Variants in ARID4B observed in about 807,000 individuals in gnomAD.
ARID4B encodes the protein AT-rich interaction domain 4B, also known as AT-rich interactive domain-containing protein 4B.
Under a neutral mutation model 147.5 loss-of-function variants are expected in ARID4B, and 26 were observed. The ratio of observed to expected loss-of-function variants is 0.18; its 90% CI spans 0.13 to 0.24. The LOEUF is 0.24. Ranked by LOEUF, ARID4B falls within the 10% of genes least tolerant of loss-of-function variation. The pLI is 1.00. For missense variants in ARID4B, 1,179 were observed against 1,511.5 expected (o/e 0.78, Z 3.65); for synonymous variants, 512 against 507.9 (o/e 1.01, Z -0.11).
rs1309667366 is a variant in ARID4B at position 235,167,105 on chromosome 1, A to G, written c.*1420T>C. 4.2e-5 allele frequency: 8 copies of G among 190,628 alleles called. No individual in the cohort carries two copies. Among genetic ancestry groups the G allele is most frequent in the Non-Finnish European group, 8.8e-5 (8 of 90,634 alleles). The allele number at this position is 190,628 out of a possible 1,614,324, so 11.8% of individuals were successfully genotyped here. A position where few individuals can be genotyped will look rare whatever the true frequency, so the allele number is the denominator to read the frequency against. On this transcript the variant is annotated 3_prime_UTR_variant, in exon 24 of 24. Coordinates refer to ENST00000264183, the MANE Select transcript of ARID4B (RefSeq NM_016374.6). Reference sequence around the variant, plus strand: ...GAAACCATTTTCAACAAAATTAGTTACTGTAAGCACACACTACAAGACTGA... The same window carrying G: ...GAAACCATTTTCAACAAAATTAGTTGCTGTAAGCACACACTACAAGACTGA...
At chr1:235,217,375 G>A (rs1667160680) in intron 16 of ARID4B, among the ~76,000 whole-genome samples, 1 of 148,252 alleles carries the variant, frequency 6.7e-6, no homozygotes, top group East Asian at 1.9e-4. Flanking sequence ...CATACATACA[G>A]GTTAAAAAAA....
At chr1:235,326,706 C>T (rs1298582687) in intron 2 of ARID4B, 3 of 599,736 alleles carry the variant, frequency 5.0e-6, no homozygotes, top group Admixed American at 5.9e-5. Flanking sequence ...GGAGAATCAT[C>T]TTCAGTTGAG....
At position 235,181,882 on chromosome 1, in the gene ARID4B, T is replaced by C; in HGVS notation, c.3037A>G (p.Ser1013Gly). 6.2e-7 allele frequency: 1 copy of C among 1,614,208 alleles called. No individual in the cohort carries two copies. Among genetic ancestry groups the C allele is most frequent in the Non-Finnish European group, 8.5e-7 (1 of 1,180,040 alleles). ...EVNDRKAEFP[S>G]SGSNSVLNTP... The stretch of plus-strand genomic sequence containing the variant: ...TTTAGCACTGAATTACTGCCACTAC[T>C]TGGAAATTCTGCTTTTCTGTCATTG... The change falls in exon 20 of 24, where the codon AGT (serine) becomes GGT (glycine). Residue 1013 changes from serine (S) to glycine (G), a missense_variant. Coordinates refer to ENST00000264183, the MANE Select transcript of ARID4B (RefSeq NM_016374.6).
chr1:235,208,351 T>C (rs1254822917), intron 17 of ARID4B, among the ~76,000 whole-genome samples: 2 of 152,264 alleles, frequency 1.3e-5, no homozygotes, highest in African/African-American at 4.8e-5. Context: ...ATGCTAAGAT[T>C]CTCTATAAAA....
At chr1:235,285,693 C>T (rs150861546) in intron 2 of ARID4B, among the ~76,000 whole-genome samples, 6 of 152,284 alleles carry the variant, frequency 3.9e-5, no homozygotes, top group Non-Finnish European at 8.8e-5. Context: ...CCAAGGAAAT[C>T]CAAAGGAATC....
At chr1:235,242,058 G>T (rs185212417) in intron 7 of ARID4B, among the ~76,000 whole-genome samples, 1,557 of 151,930 alleles carry the variant, frequency 0.01, 25 homozygotes, top group African/African-American at 0.033. Flanking sequence ...GACCAGCCTG[G>T]CCAAAATGGT....
At chr1:235,250,240 G>C (rs1171816238) in intron 6 of ARID4B, among the ~76,000 whole-genome samples, 3 of 152,030 alleles carry the variant, frequency 2.0e-5, no homozygotes, top group Non-Finnish European at 4.4e-5. Context: ...TTATTAAATG[G>C]GATTAGTGAC....
chr1:235,220,910 G>GT (rs1558216306), intron 14 of ARID4B, among the ~76,000 whole-genome samples: 2 of 148,612 alleles, frequency 1.3e-5, no homozygotes, highest in Admixed American at 6.7e-5. Flanking sequence ...GTTTTTTTTT[G>GT]TTTTTTTGAG....
chr1:235,203,984 C>T (rs1666126111), intron 17 of ARID4B, among the ~76,000 whole-genome samples: 1 of 152,032 alleles, frequency 6.6e-6, no homozygotes, highest in Admixed American at 6.6e-5. Context: ...TACTTTTAAT[C>T]ATGTATCTAC....
chr1:235,192,825 G>T (rs1161284824), intron 19 of ARID4B, among the ~76,000 whole-genome samples: 2 of 152,224 alleles, frequency 1.3e-5, no homozygotes, highest in East Asian at 3.9e-4. Context: ...GTCATGTCAG[G>T]CCAGGCGCGG....
chr1:235,246,424 G>C lies in ARID4B; in HGVS notation c.442C>G (p.His148Asp), dbSNP rs768377659. ...CAGTCATGAAAATGGACTTACATAT[G>C]ATTAGATCTTCTTCCTCTATTTGTT... is the stretch of plus-strand genomic sequence containing the variant. ...KKTNRGRRSN[H>D]IPEEESSSSS... The change falls in exon 7 of 24, where the codon CAT becomes GAT. Residue 148 changes from histidine (H) to aspartate (D), a missense_variant. Coordinates refer to ENST00000264183, the MANE Select transcript of ARID4B (RefSeq NM_016374.6). 2 of 1,599,986 alleles carry C rather than the reference G, an allele frequency of 1.3e-6. No individual in the cohort carries two copies. Among genetic ancestry groups the C allele is most frequent in the African/African-American group, 1.3e-5 (1 of 74,624 alleles).
At chr1:235,301,035 A>ATTTTTT (rs1673093653) in intron 2 of ARID4B, among the ~76,000 whole-genome samples, 1 of 102,846 alleles carries the variant, frequency 9.7e-6, no homozygotes, top group African/African-American at 4.5e-5. Context: ...TTTTTTAAGT[A>ATTTTTT]TTCTTTTTTT....
intron 19 of ARID4B, among the ~76,000 whole-genome samples, chr1:235,185,944 G>C (rs1664644019): frequency 2.0e-5 from 3 of 149,254 alleles, no homozygotes; most frequent in Non-Finnish European, 4.4e-5. Flanking sequence ...ATTTGTGTCT[G>C]TCAGTTCTGG....
At chr1:235,298,394 A>T (rs978819609) in intron 2 of ARID4B, among the ~76,000 whole-genome samples, 2 of 151,790 alleles carry the variant, frequency 1.3e-5, no homozygotes, top group African/African-American at 4.8e-5. Context: ...ATTTTCCAAA[A>T]ATTAGAAAAT....
intron 16 of ARID4B, among the ~76,000 whole-genome samples, chr1:235,214,837 CTTTTTTTT>C (rs10657168): frequency 6.8e-5 from 7 of 102,326 alleles, no homozygotes; most frequent in South Asian, 3.8e-4. Flanking sequence ...GTATTACATC[CTTTTTTTT>C]TTTTTTTTTT....
At chr1:235,223,684 CAT>C (rs1491426679) in intron 12 of ARID4B, among the ~76,000 whole-genome samples, 1 of 117,144 alleles carries the variant, frequency 8.5e-6, no homozygotes, top group Non-Finnish European at 1.7e-5. Flanking sequence ...AGTAAAGCTA[CAT>C]TTTTTTTTTT....
At chr1:235,210,196 G>C (rs1289277401) in intron 17 of ARID4B, among the ~76,000 whole-genome samples, 1 of 151,962 alleles carries the variant, frequency 6.6e-6, no homozygotes, top group African/African-American at 2.4e-5. Context: ...CTGCACTCCA[G>C]CCTGGGTGAC....
intron 2 of ARID4B, among the ~76,000 whole-genome samples, chr1:235,321,689 C>T (rs941627094): frequency 2.6e-5 from 4 of 151,980 alleles, no homozygotes; most frequent in Admixed American, 1.3e-4. Flanking sequence ...TTAGTAGAGA[C>T]GGGGTTTCAC....
chr1:235,250,837 C>T (rs190157282), intron 6 of ARID4B, among the ~76,000 whole-genome samples: 5 of 152,244 alleles, frequency 3.3e-5, no homozygotes, highest in African/African-American at 1.2e-4. Flanking sequence ...ATTTAACTTA[C>T]AACTGTCTTA....
Sources: allele counts gnomAD v4.1 joint callset (sites outside exome capture counted in the v4.1 genomes callset), GRCh38; gene constraint gnomAD v4.1.1; transcripts MANE v1.5; gene names NCBI Gene and HGNC (gene_info 2026-07-23, HGNC 2026-07-21).